The following APOL2 variants were observed in gnomAD, a reference collection of about 807,000 sequenced individuals.
APOL2 encodes apolipoprotein L2, also known as apolipoprotein L, 2.
Under a neutral mutation model 7.1 loss-of-function variants are expected in APOL2, and 8 were observed. That is an observed-to-expected ratio of 1.12 (90% CI 0.66 to 2.03). The LOEUF is 2.03. APOL2 is among the 30% of genes most tolerant of loss of function. The pLI is 0.00. For synonymous variants in APOL2, 177 were observed against 159.9 expected, an observed-to-expected ratio of 1.11 and a Z score of -0.81; for missense variants, 471 against 415.1, an observed-to-expected ratio of 1.13 and a Z score of -1.17.
chr22:36,230,328 CAGTTCCA>C (rs541608468), intron 4 of APOL2, among the ~76,000 whole-genome samples: 2 of 152,302 alleles, frequency 1.3e-5, no homozygotes, highest in Non-Finnish European at 2.9e-5. Context: ...CAGAACTCAC[CAGTTCCA>C]AGGCATGGGG....
At position 36,227,815 on chromosome 22, in the gene APOL2, C is replaced by G; in HGVS notation, c.603G>C (p.Gly201=). The part of the protein sequence containing the change: ...VAKVMKEFVG[G]NTPNVLTLVD... ...CTAAGGTAAGAACATTGGGTGTGTTCCCACCCACAAACTCCTTCATCACCT... is the reference window on the plus strand; with the variant it reads ...CTAAGGTAAGAACATTGGGTGTGTTGCCACCCACAAACTCCTTCATCACCT... Residue 201 remains glycine (G), a synonymous_variant, in exon 5 of 5, where the codon GGG becomes GGC. Coordinates refer to ENST00000358502, the MANE Select transcript of APOL2 (RefSeq NM_030882.4). 6.2e-7 allele frequency: 1 copy of G among 1,614,188 alleles called. No homozygotes were observed. Among genetic ancestry groups the G allele is most frequent in the East Asian group, 2.2e-5 (1 of 44,888 alleles).
At position 36,233,459 on chromosome 22, in the gene APOL2, T is replaced by C. The variant is rs535199787; in HGVS notation, c.-133-4A>G. The stretch of plus-strand genomic sequence containing the variant: ...ACCAAGGCAGGGTCCTCTTGTCCTG[T>C]AGGGGTATGAGAAGAAGATAATCAG... On this transcript the variant is annotated splice_polypyrimidine_tract_variant and splice_region_variant and intron_variant, in intron 1 of 4. Coordinates refer to ENST00000358502, the MANE Select transcript of APOL2 (RefSeq NM_030882.4). 8.4e-6 allele frequency: 13 copies of C among 1,549,584 alleles called. No homozygotes were observed. Among genetic ancestry groups the C allele is most frequent in the Admixed American group, 3.9e-5 (2 of 51,010 alleles).
intron 3 of APOL2, among the ~76,000 whole-genome samples, chr22:36,232,263 A>G (rs1304906781): frequency 6.6e-6 from 1 of 152,216 alleles, no homozygotes; most frequent in East Asian, 1.9e-4. Flanking sequence ...TATTCAAATA[A>G]ATGTTACTGT....
rs1158225829 is a variant in APOL2 at position 36,228,121 on chromosome 22, G to A, written c.297C>T (p.Leu99=). The A allele has an allele frequency of 1.9e-6, 3 of 1,614,120 alleles. No homozygotes were observed. The highest frequency in any genetic ancestry group is 1.7e-5 in the Admixed American group (1 of 60,010). Residue 99 remains leucine (L), a synonymous_variant, in exon 5 of 5, where the codon CTC becomes CTT. Coordinates refer to ENST00000358502, the MANE Select transcript of APOL2 (RefSeq NM_030882.4). ...GCTCAACCTCCTCTGCAAGGGCACGGAGCTTCCTTATGTGATCCTCAAGCT... is the reference window on the plus strand; with the variant it reads ...GCTCAACCTCCTCTGCAAGGGCACGAAGCTTCCTTATGTGATCCTCAAGCT... ...KRELEDHIRK[L]RALAEEVEQV... is the part of the protein sequence containing the mutation.
At chr22:36,228,339 T>G in intron 4 of APOL2, 59 bp from the exon 5 acceptor site, 1 of 1,544,562 alleles carries the variant, frequency 6.5e-7, no homozygotes, top group South Asian at 1.3e-5. Context: ...TGAAATGAGC[T>G]CCATGCGATC....
At chr22:36,238,881 C>G (rs935940936) in intron 1 of APOL2, among the ~76,000 whole-genome samples, 2 of 152,202 alleles carry the variant, frequency 1.3e-5, no homozygotes, top group South Asian at 2.1e-4. Context: ...AAGTCATTCC[C>G]CTCCCAGGGC....
chr22:36,228,228 C>A lies in APOL2; in HGVS notation c.190G>T (p.Val64Phe). 1.2e-6 allele frequency: 2 copies of A among 1,614,182 alleles called. No homozygotes were observed. Among genetic ancestry groups the A allele is most frequent in the Middle Eastern group, 3.3e-4 (2 of 6,062 alleles). The change falls in exon 5 of 5, where the codon GTC becomes TTC. Residue 64 changes from valine (V) to phenylalanine (F), a missense_variant. By Grantham distance (50) the Val-to-Phe change is conservative (BLOSUM62 -1). Coordinates refer to ENST00000358502, the MANE Select transcript of APOL2 (RefSeq NM_030882.4). ...TCGTGGCGGTTTTTGTCCTTCATGACCATGTGACTTGCAAGCTTGTTCAGA... is the reference window on the plus strand; with the variant it reads ...TCGTGGCGGTTTTTGTCCTTCATGAACATGTGACTTGCAAGCTTGTTCAGA... ...KALNKLASHM[V>F]MKDKNRHDKD... is the part of the protein sequence containing the mutation.
intron 3 of APOL2, among the ~76,000 whole-genome samples, chr22:36,232,740 C>G (rs1205289189): frequency 6.6e-6 from 1 of 152,026 alleles, no homozygotes; most frequent in African/African-American, 2.4e-5. Context: ...CCGGCCTGTG[C>G]TGGAAAAAAC....
chr22:36,236,628 C>T, intron 1 of APOL2: 2 of 985,446 alleles, frequency 2.0e-6, no homozygotes, highest in Non-Finnish European at 2.4e-6. Context: ...GGCACACCCA[C>T]TTCCAGCAGC....
At chr22:36,231,238 G>A in intron 4 of APOL2, 102 bp downstream of exon 4, 1 of 1,471,846 alleles carries the variant, frequency 6.8e-7, no homozygotes. Context: ...CCCAGCAGAG[G>A]GGGCTGCCTG....
chr22:36,238,861 G>T (rs1252864883), intron 1 of APOL2, among the ~76,000 whole-genome samples: 3 of 152,306 alleles, frequency 2.0e-5, no homozygotes, highest in East Asian at 1.9e-4. Flanking sequence ...TCCTGACACG[G>T]GACCCTGGCA....
chr22:36,232,169 TC>T (rs1433241999), intron 3 of APOL2, among the ~76,000 whole-genome samples: 1 of 152,280 alleles, frequency 6.6e-6, no homozygotes, highest in African/African-American at 2.4e-5. Context: ...TCATATTTAC[TC>T]GATAAATACT....
rs187833411 is a variant in APOL2, at chr22:36,232,171, G to C, written c.11-705C>G. Among the ~76,000 whole-genome samples the C allele has an allele frequency of 2.5e-4, 38 of 152,312 alleles. No homozygotes were observed. In the East Asian group the frequency reaches 4.1e-3, roughly 16 times the overall value. ...CCTTATTGCAGTTTCATATTTACTC[G>C]ATAAATACTTGTCTCTGACACTTTT... On this transcript the variant is annotated intron_variant, in intron 3 of 4. Transcript: ENST00000358502.
At chr22:36,239,629 G>A (rs1020697560), upstream of APOL2, 5 of 868,504 alleles carry the variant, frequency 5.8e-6, no homozygotes, top group African/African-American at 5.0e-5. Context: ...CAGTAAACAC[G>A]CTGCTCCCCA....
Position 36,227,853 on chromosome 22 carries a change from T to C in APOL2, c.565A>G (p.Thr189Ala), listed in dbSNP as rs749064675. 7.4e-6 allele frequency: 12 copies of C among 1,614,148 alleles called. No homozygotes were observed. The highest frequency in any genetic ancestry group is 2.2e-5 in the South Asian group (2 of 91,092). Residue 189 changes from threonine to alanine, a missense_variant, in exon 5 of 5, where the codon ACC becomes GCC. By Grantham distance (58) the Thr-to-Ala change is moderately conservative (BLOSUM62 0). Transcript: ENST00000358502. ...AQARNLDQSG[T>A]NVAKVMKEFV... ...TCCTTCATCACCTTTGCTACATTGG[T>C]GCCGCTTTGGTCCAAGTTGCGGGCT...
At chr22:36,228,393 G>A in intron 4 of APOL2, 113 bp from the exon 5 acceptor site, 1 of 1,393,218 alleles carries the variant, frequency 7.2e-7, no homozygotes, top group Non-Finnish European at 9.7e-7. Flanking sequence ...CAATCAAATA[G>A]AAACAAATTT....
At chr22:36,233,493 C>A in intron 1 of APOL2, 38 bp from the exon 2 acceptor site, 1 of 1,522,778 alleles carries the variant, frequency 6.6e-7, no homozygotes, top group Non-Finnish European at 8.9e-7. Flanking sequence ...AGAGGAGGGG[C>A]AGCCATCTGA....
intron 1 of APOL2, among the ~76,000 whole-genome samples, chr22:36,235,516 T>C (rs2015366845): frequency 1.4e-5 from 2 of 145,144 alleles, no homozygotes; most frequent in African/African-American, 5.0e-5. Flanking sequence ...AGAAGAAAAA[T>C]CAATGAAACA....
chr22:36,226,209 T>A lies in APOL2; in HGVS notation c.*1195A>T, dbSNP rs189122017. 9.2e-5 allele frequency: 14 copies of A among 152,222 alleles called. No homozygotes were observed. The highest frequency in any genetic ancestry group is 3.4e-4 in the African/African-American group (14 of 41,436). The allele number at this position is 152,222 out of a possible 1,614,324, so 9.4% of individuals were successfully genotyped here. A position where few individuals can be genotyped will look rare whatever the true frequency, so the allele number is the denominator to read the frequency against. Reference sequence around the variant, plus strand: ...AAAGAATGACTCGAACAAGTCCAGCTTGGTGAGTAGGTGAGTTTATTGGGA... The same window carrying A: ...AAAGAATGACTCGAACAAGTCCAGCATGGTGAGTAGGTGAGTTTATTGGGA... On this transcript the variant is annotated 3_prime_UTR_variant, in exon 5 of 5. Coordinates refer to ENST00000358502, the MANE Select transcript of APOL2 (RefSeq NM_030882.4).
Sources: gnomAD v4.1 joint callset for allele counts (sites outside exome capture counted in the v4.1 genomes callset) on GRCh38, gnomAD v4.1.1 for gene constraint, MANE v1.5 for transcripts, NCBI Gene and HGNC (gene_info 2026-07-23, HGNC 2026-07-21) for gene names.